The following ADCY9 variants were observed in gnomAD, a reference collection of about 807,000 sequenced individuals.
The protein encoded by ADCY9 is adenylate cyclase type 9.
ADCY9 carries 50 observed loss-of-function variants against 101.5 expected under a neutral mutation model. The ratio of observed to expected loss-of-function variants is 0.49; its 90% CI spans 0.39 to 0.62. The LOEUF (loss-of-function observed/expected upper bound fraction) is 0.62, where lower values mean the gene tolerates loss of function less well. ADCY9 is among the 20% of genes least tolerant of loss of function. The pLI is 0.00. For synonymous variants in ADCY9, 905 were observed against 769.3 expected (o/e 1.18, Z -2.92); for missense variants, 1,662 against 1,800.4 (o/e 0.92, Z 1.39).
At position 3,996,927 on chromosome 16, in the gene ADCY9, A is replaced by T. The variant is rs188393898; in HGVS notation, c.1885-3417T>A. On this transcript the variant is annotated intron_variant, in intron 3 of 10. Coordinates refer to ENST00000294016, the MANE Select transcript of ADCY9 (RefSeq NM_001116.4). ...TCACCCAGGCTGGAGTGCAGTGGGG[A>T]GATCTTGGCTCACTGCAACCTCCAC... Among the ~76,000 whole-genome samples, 52 of 151,614 alleles carry T rather than the reference A, an allele frequency of 3.4e-4. No individual in the cohort carries two copies. In the East Asian group the frequency reaches 9.7e-3, roughly 28 times the overall value.
intron 2 of ADCY9, among the ~76,000 whole-genome samples, chr16:4,074,817 A>G (rs555674441): frequency 1.1e-4 from 17 of 152,258 alleles, no homozygotes; most frequent in African/African-American, 4.1e-4. Context: ...ATTTCTTTAC[A>G]TAGACAATTC....
chr16:4,074,746 G>C (rs1334465773), intron 2 of ADCY9, among the ~76,000 whole-genome samples: 2 of 143,120 alleles, frequency 1.4e-5, no homozygotes, highest in Admixed American at 7.0e-5. Context: ...AAACACACTA[G>C]CAAATTGTCT....
chr16:4,044,543 T>C lies in ADCY9; in HGVS notation c.1694-36985A>G, dbSNP rs142416813. On this transcript the variant is annotated intron_variant, in intron 2 of 10. Transcript: ENST00000294016. ...GATCTGGATTTCTCCATTATAAACCTATGGAATCAAATCATTTAAAATCTA... is the reference window on the plus strand; with the variant it reads ...GATCTGGATTTCTCCATTATAAACCCATGGAATCAAATCATTTAAAATCTA... Among the ~76,000 whole-genome samples, 78 of 152,298 alleles carry C rather than the reference T, an allele frequency of 5.1e-4. No individual in the cohort carries two copies. The East Asian group carries it at 0.014, about 28-fold the overall frequency.
rs568285529 is a variant in ADCY9, at chr16:4,047,767, C to A, written c.1694-40209G>T. Among the ~76,000 whole-genome samples the A allele has an allele frequency of 4.5e-3, 685 of 152,276 alleles. 1 individual carries two copies. The highest frequency in any genetic ancestry group is 8.3e-3 in the Non-Finnish European group (567 of 68,034). Reference sequence around the variant, plus strand: ...GTCCTTGGTTGAAATCCACGTTGGCCAGGCTGATCTCGAACTCCTGACCTC... The same window carrying A: ...GTCCTTGGTTGAAATCCACGTTGGCAAGGCTGATCTCGAACTCCTGACCTC... On this transcript the variant is annotated intron_variant, in intron 2 of 10. Coordinates refer to ENST00000294016, the MANE Select transcript of ADCY9 (RefSeq NM_001116.4).
rs55746006 is a variant in ADCY9 at position 3,991,763 on chromosome 16, T to TAA, written c.2207+381_2207+382dup. Among the ~76,000 whole-genome samples the TAA allele has an allele frequency of 4.2e-3, 380 of 91,130 alleles. 2 individuals are homozygous for TAA. The highest frequency in any genetic ancestry group is 8.5e-3 in the Middle Eastern group (1 of 118). 59.8% of individuals were successfully genotyped at this position (91,130 alleles called of 152,430 possible). On this transcript the variant is annotated intron_variant, in intron 5 of 10. Transcript: ENST00000294016. ...GCAACACAGCAAGACCTAGTCCTTATAAAAAAAAAAAAAAAAAAAAAAAAA... is the reference window on the plus strand; with the variant it reads ...GCAACACAGCAAGACCTAGTCCTTATAAAAAAAAAAAAAAAAAAAAAAAAAAA...
intron 2 of ADCY9, among the ~76,000 whole-genome samples, chr16:4,032,427 T>C (rs996658191): frequency 1.3e-5 from 2 of 152,124 alleles, no homozygotes; most frequent in Non-Finnish European, 2.9e-5. Context: ...TCCTGCAACC[T>C]GCCTGGTAGA....
intron 6 of ADCY9, among the ~76,000 whole-genome samples, chr16:3,987,335 T>C (rs962556593): frequency 2.0e-5 from 3 of 152,216 alleles, no homozygotes; most frequent in Non-Finnish European, 4.4e-5. Flanking sequence ...ATTTGGTGCC[T>C]GGAGGAAGGC....
intron 2 of ADCY9, among the ~76,000 whole-genome samples, chr16:4,064,398 G>A (rs1333774650): frequency 6.6e-6 from 1 of 152,110 alleles, no homozygotes; most frequent in Non-Finnish European, 1.5e-5. Flanking sequence ...ACTGAAGCTG[G>A]GTAACGTGTA....
At chr16:4,022,174 G>A (rs185101232) in intron 2 of ADCY9, among the ~76,000 whole-genome samples, 1 of 152,276 alleles carries the variant, frequency 6.6e-6, no homozygotes, top group East Asian at 1.9e-4. Context: ...CCTGCCCAGA[G>A]AGAAACAGCC....
intron 2 of ADCY9, among the ~76,000 whole-genome samples, chr16:4,082,035 A>G (rs991702917): frequency 6.6e-6 from 1 of 152,088 alleles, no homozygotes; most frequent in African/African-American, 2.4e-5. Context: ...AAATGATCCA[A>G]TTTCACAAGT....
At chr16:4,060,346 G>A (rs2056767348) in intron 2 of ADCY9, among the ~76,000 whole-genome samples, 1 of 152,198 alleles carries the variant, frequency 6.6e-6, no homozygotes, top group South Asian at 2.1e-4. Context: ...AGACTGAAGA[G>A]GGCCCTGGTT....
chr16:3,981,628 C>G (rs1365669581), intron 7 of ADCY9: 1 of 152,056 alleles, frequency 6.6e-6, no homozygotes, highest in East Asian at 1.9e-4. Context: ...GAGTTTTGCT[C>G]GTCACCCAGA....
intron 3 of ADCY9, among the ~76,000 whole-genome samples, chr16:4,002,494 G>C (rs746757402): frequency 6.6e-6 from 1 of 152,154 alleles, no homozygotes; most frequent in Non-Finnish European, 1.5e-5. Flanking sequence ...AATCATCCCC[G>C]TATGGGTAAA....
chr16:4,097,553 A>ATATATATATATATATATATTT (rs1382458827), intron 2 of ADCY9, among the ~76,000 whole-genome samples: 1 of 53,416 alleles, frequency 1.9e-5, no homozygotes, highest in African/African-American at 8.6e-5. Context: ...ATATATATAT[A>ATATATATATATATATATATTT]TTTTTTTTTT....
intron 2 of ADCY9, among the ~76,000 whole-genome samples, chr16:4,011,536 G>T (rs777649238): frequency 2.0e-5 from 3 of 152,232 alleles, no homozygotes; most frequent in Middle Eastern, 6.3e-3. Flanking sequence ...ACAAACTGCT[G>T]GCGAGAGGCA....
At chr16:4,108,006 G>A (rs1217950051) in intron 2 of ADCY9, among the ~76,000 whole-genome samples, 1 of 152,144 alleles carries the variant, frequency 6.6e-6, no homozygotes, top group African/African-American at 2.4e-5. Context: ...ATAAAGTTTG[G>A]CTGGGGAAAA....
At chr16:4,099,960 G>C (rs573236206) in intron 2 of ADCY9, among the ~76,000 whole-genome samples, 1 of 152,324 alleles carries the variant, frequency 6.6e-6, no homozygotes, top group South Asian at 2.1e-4. Flanking sequence ...GGTACGAGGA[G>C]CACTTGACCC....
In ADCY9 at chr16:3,966,921, C is replaced by T. The variant is rs986108557; in HGVS notation, c.2916G>A (p.Arg972=). ...PCNSSVPRDL[R]RPASLIGQEV... is the part of the protein sequence containing the mutation. ...CCTGGCCGATGAGGCTGGCGGGCCG[C>T]CGGAGGTCACGCGGCACCGAACTAT... The change falls in exon 11 of 11, where the codon CGG becomes CGA. Residue 972 remains arginine, a synonymous_variant. Coordinates refer to ENST00000294016, the MANE Select transcript of ADCY9 (RefSeq NM_001116.4). 6.2e-7 allele frequency: 1 copy of T among 1,613,800 alleles called. No individual in the cohort carries two copies. The highest frequency in any genetic ancestry group is 8.5e-7 in the Non-Finnish European group (1 of 1,180,042).
At chr16:4,045,988 T>G (rs12920928) in intron 2 of ADCY9, among the ~76,000 whole-genome samples, 2 of 150,656 alleles carry the variant, frequency 1.3e-5, no homozygotes, top group African/African-American at 2.4e-5. Context: ...GGGACTACAG[T>G]TGCATACCAC....
Sources: gnomAD v4.1 joint callset for allele counts (sites outside exome capture counted in the v4.1 genomes callset) on GRCh38, gnomAD v4.1.1 for gene constraint, MANE v1.5 for transcripts, NCBI Gene and HGNC (gene_info 2026-07-23, HGNC 2026-07-21) for gene names.